The following ZNF385B variants were observed in gnomAD, a reference collection of about 807,000 sequenced individuals.
ZNF385B encodes zinc finger protein 533.
In ZNF385B, 23 loss-of-function variants were observed where a neutral mutation model predicts 39.2. That is an observed-to-expected ratio of 0.59 (90% CI 0.42 to 0.83). The LOEUF (loss-of-function observed/expected upper bound fraction) is 0.83, where lower values mean the gene tolerates loss of function less well. ZNF385B is among the 40% of genes least tolerant of loss of function. ZNF385B has a pLI of 0.00. For synonymous variants in ZNF385B, 205 were observed against 222.6 expected, an observed-to-expected ratio of 0.92 and a Z score of 0.70; for missense variants, 552 against 598.9, an observed-to-expected ratio of 0.92 and a Z score of 0.82.
At chr2:179,553,629 C>G (rs999132830) in intron 3 of ZNF385B, among the ~76,000 whole-genome samples, 5 of 148,950 alleles carry the variant, frequency 3.4e-5, no homozygotes, top group Admixed American at 3.3e-4. Flanking sequence ...GGTCCAAACT[C>G]CTGTCCATCT....
At chr2:179,536,753 A>G (rs1334651092) in intron 4 of ZNF385B, among the ~76,000 whole-genome samples, 1 of 152,206 alleles carries the variant, frequency 6.6e-6, no homozygotes, top group Non-Finnish European at 1.5e-5. Context: ...ACATGTAGAC[A>G]TGCAGTAAAT....
At chr2:179,644,981 C>T (rs565409620) in intron 3 of ZNF385B, among the ~76,000 whole-genome samples, 15 of 152,282 alleles carry the variant, frequency 9.9e-5, no homozygotes, top group South Asian at 8.3e-4. Flanking sequence ...TATATACATA[C>T]TATAATTTCC....
intron 6 of ZNF385B, among the ~76,000 whole-genome samples, chr2:179,470,866 G>GAAACAAACAAACAAAC (rs56072176): frequency 0.086 from 13,071 of 151,150 alleles, 610 homozygotes; most frequent in Middle Eastern, 0.12. Context: ...GTATGTCCCT[G>GAAACAAACAAACAAAC]AAACAAACAA....
intron 3 of ZNF385B, among the ~76,000 whole-genome samples, chr2:179,694,747 T>C (rs937912485): frequency 6.6e-6 from 1 of 152,106 alleles, no homozygotes; most frequent in African/African-American, 2.4e-5. Context: ...CTGGCCAACA[T>C]GGCAAAACCC....
intron 3 of ZNF385B, among the ~76,000 whole-genome samples, chr2:179,755,334 G>T: frequency 6.6e-6 from 1 of 152,170 alleles, no homozygotes; most frequent in Non-Finnish European, 1.5e-5. Context: ...CATTTGCTGA[G>T]GAGTGCTTTA....
chr2:179,615,388 G>A (rs1689648876), intron 3 of ZNF385B, among the ~76,000 whole-genome samples: 1 of 152,158 alleles, frequency 6.6e-6, no homozygotes, highest in South Asian at 2.1e-4. Flanking sequence ...CCCAGAACTT[G>A]TTAAAAATGC....
chr2:179,623,553 G>T (rs1186443513), intron 3 of ZNF385B, among the ~76,000 whole-genome samples: 1 of 152,090 alleles, frequency 6.6e-6, no homozygotes, highest in East Asian at 1.9e-4. Context: ...TTTTGAAGAC[G>T]GCACAGTAGC....
At chr2:179,854,048 T>A (rs547303163) in intron 1 of ZNF385B, among the ~76,000 whole-genome samples, 1 of 152,302 alleles carries the variant, frequency 6.6e-6, no homozygotes, top group African/African-American at 2.4e-5. Context: ...GAAAATTTCA[T>A]ATATATAAAA....
At chr2:179,810,975 C>T (rs1356504220) in intron 1 of ZNF385B, among the ~76,000 whole-genome samples, 3 of 152,020 alleles carry the variant, frequency 2.0e-5, no homozygotes, top group African/African-American at 7.2e-5. Flanking sequence ...GACACAAAAT[C>T]AATGTAGAAA....
chr2:179,697,336 C>T (rs1698843379), intron 3 of ZNF385B, among the ~76,000 whole-genome samples: 1 of 152,140 alleles, frequency 6.6e-6, no homozygotes, highest in South Asian at 2.1e-4. Context: ...CTGCTGTTCT[C>T]ATGATAGTGA....
rs1708731192 is a variant in ZNF385B, at chr2:179,845,078, A to T, written c.-155+16023T>A. Reference sequence around the variant, plus strand: ...GACTGATGCTCCAATACAATTGATTATCTCAATCCAGAAACTACTCTAATA... The same window carrying T: ...GACTGATGCTCCAATACAATTGATTTTCTCAATCCAGAAACTACTCTAATA... On this transcript the variant is annotated intron_variant, in intron 1 of 9. Coordinates refer to ENST00000410066, the MANE Select transcript of ZNF385B (RefSeq NM_152520.6). Among the ~76,000 whole-genome samples the T allele has an allele frequency of 2.0e-5, 3 of 152,330 alleles. No individual in the cohort carries two copies. The South Asian group carries it at 6.2e-4, about 32-fold the overall frequency.
At chr2:179,830,787 A>G (rs1302998686) in intron 1 of ZNF385B, among the ~76,000 whole-genome samples, 1 of 152,230 alleles carries the variant, frequency 6.6e-6, no homozygotes, top group Non-Finnish European at 1.5e-5. Flanking sequence ...TGGTATACAC[A>G]TGACAATATG....
intron 3 of ZNF385B, among the ~76,000 whole-genome samples, chr2:179,620,466 A>G (rs1690117728): frequency 6.6e-6 from 1 of 152,156 alleles, no homozygotes. Context: ...AACTTTTATT[A>G]CAGACCTTCT....
At chr2:179,530,313 G>C (rs1053986425) in intron 4 of ZNF385B, among the ~76,000 whole-genome samples, 1 of 151,878 alleles carries the variant, frequency 6.6e-6, no homozygotes, top group Non-Finnish European at 1.5e-5. Context: ...AAAAGTATAC[G>C]AGTAACTGAA....
At chr2:179,663,479 G>A (rs988601517) in intron 3 of ZNF385B, among the ~76,000 whole-genome samples, 4 of 152,086 alleles carry the variant, frequency 2.6e-5, no homozygotes, top group Non-Finnish European at 1.5e-5. Flanking sequence ...GGGAGGCCGA[G>A]GCAGGCGGAT....
intron 6 of ZNF385B, among the ~76,000 whole-genome samples, chr2:179,466,718 C>T (rs750713906): frequency 8.6e-5 from 13 of 151,480 alleles, no homozygotes; most frequent in South Asian, 2.1e-4. Flanking sequence ...GTCAGGAATT[C>T]AAGACTAGCC....
intron 6 of ZNF385B, among the ~76,000 whole-genome samples, chr2:179,482,562 C>T (rs140985617): frequency 1.8e-3 from 280 of 152,254 alleles, no homozygotes; most frequent in South Asian, 3.3e-3. Flanking sequence ...GAAATTCTGC[C>T]GATTCACTGG....
chr2:179,757,600 C>T (rs950200752), intron 3 of ZNF385B, among the ~76,000 whole-genome samples: 10 of 152,276 alleles, frequency 6.6e-5, no homozygotes, highest in East Asian at 5.8e-4. Context: ...TGAACTGCAG[C>T]GGGCTCCACC....
chr2:179,668,000 A>G (rs58946184), intron 3 of ZNF385B, among the ~76,000 whole-genome samples: 2,072 of 152,280 alleles, frequency 0.014, 53 homozygotes, highest in African/African-American at 0.047. Context: ...ATCAAGAGAA[A>G]ATGACTTTTC....
Sources: gnomAD v4.1 joint callset for allele counts (sites outside exome capture counted in the v4.1 genomes callset) on GRCh38, gnomAD v4.1.1 for gene constraint, MANE v1.5 for transcripts, NCBI Gene and HGNC (gene_info 2026-07-23, HGNC 2026-07-21) for gene names.